Variants in CNTN5 observed in about 807,000 individuals in gnomAD.
The protein encoded by CNTN5 is contactin-5.
A neutral mutation model predicts 129.1 loss-of-function variants in CNTN5; 77 were observed. The observed-to-expected ratio is 0.60, with a 90% CI of 0.50 to 0.72. The LOEUF (loss-of-function observed/expected upper bound fraction) is 0.72, where lower values mean the gene tolerates loss of function less well. CNTN5 is among the 30% of genes least tolerant of loss of function. The probability of loss-of-function intolerance (pLI) is 0.00; values close to 1 mark genes in which losing one functional copy is unlikely to be tolerated. For synonymous variants in CNTN5, 509 were observed against 465.6 expected, an observed-to-expected ratio of 1.09 and a Z score of -1.20; for missense variants, 1,478 against 1,328.8, an observed-to-expected ratio of 1.11 and a Z score of -1.75.
intron 16 of CNTN5, among the ~76,000 whole-genome samples, chr11:100,232,109 G>T (rs1414639013): frequency 6.6e-6 from 1 of 152,062 alleles, no homozygotes. Flanking sequence ...AGCCGAGATT[G>T]CATCACTGCA....
chr11:99,521,347 G>A (rs527657249), intron 2 of CNTN5, among the ~76,000 whole-genome samples: 1 of 152,024 alleles, frequency 6.6e-6, no homozygotes, highest in Non-Finnish European at 1.5e-5. Flanking sequence ...GTATCTAGGT[G>A]TAAAATAGAG....
intron 3 of CNTN5, among the ~76,000 whole-genome samples, chr11:99,571,058 A>G (rs1949160473): frequency 1.3e-5 from 2 of 152,176 alleles, no homozygotes; most frequent in African/African-American, 4.8e-5. Context: ...GTGGTGAAAT[A>G]ATGAGATAGA....
chr11:99,654,624 G>T (rs577511247), intron 3 of CNTN5, among the ~76,000 whole-genome samples: 3 of 151,170 alleles, frequency 2.0e-5, no homozygotes, highest in Non-Finnish European at 4.5e-5. Context: ...GACCTGAGTT[G>T]TTGTTAAATT....
intron 21 of CNTN5, chr11:100,309,754 G>A: frequency 4.1e-6 from 4 of 971,962 alleles, no homozygotes; most frequent in Non-Finnish European, 4.9e-6. Flanking sequence ...AAGACACTGT[G>A]GTGGTTTGTC....
intron 13 of CNTN5, among the ~76,000 whole-genome samples, chr11:100,090,173 G>C (rs1011270733): frequency 1.3e-5 from 2 of 151,916 alleles, no homozygotes; most frequent in African/African-American, 4.8e-5. Context: ...AATCCCTCAA[G>C]AAATTAGGCA....
chr11:99,584,992 C>G (rs1949744954), intron 3 of CNTN5, among the ~76,000 whole-genome samples: 1 of 152,164 alleles, frequency 6.6e-6, no homozygotes, highest in South Asian at 2.1e-4. Context: ...TTTTTGAAGA[C>G]TTGTATCCAA....
chr11:100,011,367 G>T (rs760415664), intron 9 of CNTN5, among the ~76,000 whole-genome samples: 1 of 151,434 alleles, frequency 6.6e-6, no homozygotes, highest in African/African-American at 2.5e-5. Flanking sequence ...AAAGCCAAAC[G>T]CTACAAAACA....
At chr11:100,294,053 C>G (rs1468025053) in intron 18 of CNTN5, among the ~76,000 whole-genome samples, 1 of 151,700 alleles carries the variant, frequency 6.6e-6, no homozygotes, top group East Asian at 1.9e-4. Flanking sequence ...TCTTCAGCAC[C>G]TTTCTTTCCA....
At chr11:99,727,602 T>A (rs1326781583) in intron 3 of CNTN5, among the ~76,000 whole-genome samples, 1 of 92,892 alleles carries the variant, frequency 1.1e-5, no homozygotes, top group East Asian at 6.5e-4. Flanking sequence ...TGTCCTTTAA[T>A]GAAAAAAATC....
chr11:99,147,429 C>T (rs1452631534), intron 1 of CNTN5, among the ~76,000 whole-genome samples: 1 of 152,076 alleles, frequency 6.6e-6, no homozygotes, highest in Non-Finnish European at 1.5e-5. Context: ...GAAAAGAATT[C>T]CAGAGGCAAA....
chr11:100,276,854 A>T (rs573279394), intron 18 of CNTN5, among the ~76,000 whole-genome samples: 10 of 147,182 alleles, frequency 6.8e-5, no homozygotes, highest in East Asian at 4.0e-4. Context: ...TGTACAATTA[A>T]TTTTTTTTTT....
intron 16 of CNTN5, among the ~76,000 whole-genome samples, chr11:100,228,782 G>A (rs1436049267): frequency 1.3e-5 from 2 of 152,148 alleles, no homozygotes; most frequent in African/African-American, 2.4e-5. Context: ...AGTGTGAGAT[G>A]CCTTTGGAAT....
chr11:99,411,176 C>T (rs558616806), intron 2 of CNTN5, among the ~76,000 whole-genome samples: 3 of 152,218 alleles, frequency 2.0e-5, no homozygotes, highest in African/African-American at 4.8e-5. Flanking sequence ...TTTCCCTTGT[C>T]TGTTGAAATT....
intron 2 of CNTN5, among the ~76,000 whole-genome samples, chr11:99,525,057 T>C (rs1163556483): frequency 6.6e-6 from 1 of 152,112 alleles, no homozygotes; most frequent in East Asian, 1.9e-4. Flanking sequence ...TCAGTCCTCA[T>C]AGAAATTATG....
intron 21 of CNTN5, among the ~76,000 whole-genome samples, chr11:100,333,679 G>A (rs1951959663): frequency 2.0e-5 from 3 of 152,084 alleles, no homozygotes; most frequent in African/African-American, 7.2e-5. Flanking sequence ...AAAACATAAA[G>A]TGGGAAAGGA....
chr11:99,033,357 G>A (rs1863506903), intron 1 of CNTN5, among the ~76,000 whole-genome samples: 1 of 152,088 alleles, frequency 6.6e-6, no homozygotes, highest in South Asian at 2.1e-4. Flanking sequence ...ATTACCTTGG[G>A]CAGTATGGCC....
intron 3 of CNTN5, among the ~76,000 whole-genome samples, chr11:99,692,492 G>A (rs974665863): frequency 6.6e-6 from 1 of 152,032 alleles, no homozygotes; most frequent in African/African-American, 2.4e-5. Context: ...CACTTACAAA[G>A]CTTGGTTTTG....
At chr11:99,152,787 C>CT (rs946905480) in intron 1 of CNTN5, among the ~76,000 whole-genome samples, 1 of 152,116 alleles carries the variant, frequency 6.6e-6, no homozygotes, top group African/African-American at 2.4e-5. Flanking sequence ...TGGTAATGGT[C>CT]TTTTTTTCCA....
At chr11:100,053,056 A>T (rs1943036457) in intron 9 of CNTN5, among the ~76,000 whole-genome samples, 1 of 151,776 alleles carries the variant, frequency 6.6e-6, no homozygotes, top group African/African-American at 2.4e-5. Context: ...AAATAAACTT[A>T]AATTGGATCA....
Sources: gnomAD v4.1 joint callset for allele counts (sites outside exome capture counted in the v4.1 genomes callset) on GRCh38, gnomAD v4.1.1 for gene constraint, MANE v1.5 for transcripts, NCBI Gene and HGNC (gene_info 2026-07-23, HGNC 2026-07-21) for gene names.